Variants in SYN2 observed in about 807,000 individuals in gnomAD.
The protein encoded by SYN2 is synapsin-2.
In SYN2, 19 loss-of-function variants were observed where a neutral mutation model predicts 50.9. The observed-to-expected ratio is 0.37, with a 90% CI of 0.26 to 0.55. The LOEUF (loss-of-function observed/expected upper bound fraction) is 0.55, where lower values mean the gene tolerates loss of function less well. SYN2 is among the 20% of genes least tolerant of loss of function. SYN2 has a pLI of 0.81. For synonymous variants in SYN2, 255 were observed against 224.9 expected, an observed-to-expected ratio of 1.13 and a Z score of -1.20; for missense variants, 587 against 576.4, an observed-to-expected ratio of 1.02 and a Z score of -0.19.
chr3:12,175,248 A>G (rs1698039266), intron 10 of SYN2, among the ~76,000 whole-genome samples: 1 of 152,220 alleles, frequency 6.6e-6, no homozygotes, highest in Admixed American at 6.5e-5. Context: ...ATATTTGTTG[A>G]GTGAGTTCAC....
intron 5 of SYN2, among the ~76,000 whole-genome samples, chr3:12,152,682 G>A (rs986631730): frequency 1.3e-5 from 2 of 152,168 alleles, no homozygotes; most frequent in African/African-American, 4.8e-5. Flanking sequence ...AGCCAACAAA[G>A]GGGGATTTCA....
intron 1 of SYN2, among the ~76,000 whole-genome samples, chr3:12,083,756 C>T (rs1169806318): frequency 6.6e-6 from 1 of 152,170 alleles, no homozygotes; most frequent in East Asian, 1.9e-4. Flanking sequence ...TGGAGCCTAA[C>T]CATCTGCTAG....
intron 12 of SYN2, among the ~76,000 whole-genome samples, chr3:12,189,921 C>G (rs1361257732): frequency 6.6e-6 from 1 of 152,130 alleles, no homozygotes; most frequent in Non-Finnish European, 1.5e-5. Flanking sequence ...GCCAAAAGTG[C>G]CTAGAGATCT....
At chr3:12,018,500 T>G (rs999748490) in intron 1 of SYN2, among the ~76,000 whole-genome samples, 2 of 152,192 alleles carry the variant, frequency 1.3e-5, no homozygotes, top group African/African-American at 4.8e-5. Context: ...ATATCAGTTC[T>G]TCCAACCATT....
chr3:12,059,474 C>T (rs1451921559), intron 1 of SYN2, among the ~76,000 whole-genome samples: 4 of 152,100 alleles, frequency 2.6e-5, no homozygotes, highest in African/African-American at 7.2e-5. Flanking sequence ...GTTACTCCCT[C>T]CAGGCCCCTC....
At chr3:12,007,219 T>C (rs1026928977) in intron 1 of SYN2, among the ~76,000 whole-genome samples, 2 of 152,214 alleles carry the variant, frequency 1.3e-5, no homozygotes, top group Non-Finnish European at 2.9e-5. Flanking sequence ...ATGGAAGTCA[T>C]AGAAGCCACT....
chr3:12,008,955 C>T (rs1693858497), intron 1 of SYN2, among the ~76,000 whole-genome samples: 2 of 152,152 alleles, frequency 1.3e-5, no homozygotes, highest in African/African-American at 2.4e-5. Flanking sequence ...CTTTTCTAGC[C>T]AGCCTTTGAG....
At chr3:12,133,793 G>T (rs1696837654) in intron 1 of SYN2, among the ~76,000 whole-genome samples, 1 of 152,122 alleles carries the variant, frequency 6.6e-6, no homozygotes, top group South Asian at 2.1e-4. Context: ...TGAGACAGTT[G>T]GGAAAACTTG....
At chr3:12,088,081 G>A (rs1022943991) in intron 1 of SYN2, among the ~76,000 whole-genome samples, 4 of 152,042 alleles carry the variant, frequency 2.6e-5, no homozygotes, top group African/African-American at 7.2e-5. Context: ...TGAATCTAAC[G>A]AAAAAGCTAC....
rs536374419 is a variant in SYN2, at chr3:12,071,136, C to A, written c.377+66208C>A. Reference sequence around the variant, plus strand: ...ACCTACATGCCAACAAGGTGCTGTCCAGCGGCACTACCATGTACCCGGGCA... The same window carrying A: ...ACCTACATGCCAACAAGGTGCTGTCAAGCGGCACTACCATGTACCCGGGCA... On this transcript the variant is annotated intron_variant, in intron 1 of 12. Coordinates refer to ENST00000621198, the MANE Select transcript of SYN2 (RefSeq NM_133625.6). 9.0e-6 allele frequency: 5 copies of A among 558,256 alleles called. No homozygotes were observed. In the East Asian group the frequency reaches 2.4e-4, roughly 27 times the overall value. The allele number at this position is 558,256 out of a possible 1,614,324, so 34.6% of individuals were successfully genotyped here. A position where few individuals can be genotyped will look rare whatever the true frequency, so the allele number is the denominator to read the frequency against.
rs184858380 is a variant in SYN2, at chr3:12,070,501, C to T, written c.377+65573C>T. On this transcript the variant is annotated intron_variant, in intron 1 of 12. Coordinates refer to ENST00000621198, the MANE Select transcript of SYN2 (RefSeq NM_133625.6). Reference sequence around the variant, plus strand: ...GACATGAAGAAGATTTGGCACCACACCTTCTACAGTGAGTTGCGTGTGGCC... The same window carrying T: ...GACATGAAGAAGATTTGGCACCACATCTTCTACAGTGAGTTGCGTGTGGCC... 3.6e-5 allele frequency: 25 copies of T among 694,758 alleles called. No homozygotes were observed. The African/African-American group carries it at 4.1e-4, about 12-fold the overall frequency. 43.0% of individuals were successfully genotyped at this position (694,758 alleles called of 1,614,324 possible). A position where few individuals can be genotyped will look rare whatever the true frequency, so the allele number is the denominator to read the frequency against.
chr3:12,185,451 G>A (rs1698322591), intron 11 of SYN2: 2 of 985,632 alleles, frequency 2.0e-6, no homozygotes, highest in Non-Finnish European at 2.4e-6. Flanking sequence ...ATTGGTTAGG[G>A]CTCCCACTGC....
intron 1 of SYN2, among the ~76,000 whole-genome samples, chr3:12,098,578 A>T (rs1202044220): frequency 6.6e-6 from 1 of 152,016 alleles, no homozygotes; most frequent in Non-Finnish European, 1.5e-5. Context: ...AAGTAAATAA[A>T]TGACAAAGGT....
intron 1 of SYN2, among the ~76,000 whole-genome samples, chr3:12,039,744 A>G (rs985463322): frequency 4.6e-5 from 7 of 152,176 alleles, no homozygotes; most frequent in Admixed American, 4.6e-4. Flanking sequence ...ATCATAGACA[A>G]GAGATCTTGT....
intron 1 of SYN2, among the ~76,000 whole-genome samples, chr3:12,027,205 A>G (rs955888510): frequency 1.3e-5 from 2 of 152,190 alleles, no homozygotes; most frequent in Admixed American, 1.3e-4. Context: ...GCTCTTCTCC[A>G]TAAAGGATCT....
chr3:12,114,252 G>C (rs1696383536), intron 1 of SYN2, among the ~76,000 whole-genome samples: 1 of 151,922 alleles, frequency 6.6e-6, no homozygotes, highest in East Asian at 1.9e-4. Flanking sequence ...GTGTTCTTTG[G>C]AGAACTATCT....
At chr3:12,151,861 A>G (rs1006646709) in intron 5 of SYN2, among the ~76,000 whole-genome samples, 1 of 152,202 alleles carries the variant, frequency 6.6e-6, no homozygotes, top group African/African-American at 2.4e-5. Flanking sequence ...CACAACTGTG[A>G]TAAGGCTGGG....
intron 4 of SYN2, among the ~76,000 whole-genome samples, chr3:12,149,148 G>C (rs1236206557): frequency 2.0e-5 from 3 of 152,156 alleles, no homozygotes; most frequent in African/African-American, 7.2e-5. Flanking sequence ...TCTGCCACAG[G>C]CTGTCCTGGC....
intron 1 of SYN2, among the ~76,000 whole-genome samples, chr3:12,018,753 GAT>G (rs1412340620): frequency 6.6e-6 from 1 of 152,160 alleles, no homozygotes; most frequent in African/African-American, 2.4e-5. Context: ...TTCTTCATGA[GAT>G]AATGTCTATG....
Sources: gnomAD v4.1 joint callset for allele counts (sites outside exome capture counted in the v4.1 genomes callset) on GRCh38, gnomAD v4.1.1 for gene constraint, MANE v1.5 for transcripts, NCBI Gene and HGNC (gene_info 2026-07-23, HGNC 2026-07-21) for gene names.